PCNX1: variants seen among roughly 807,000 people sequenced by gnomAD.
PCNX1 encodes pecanex 1.
PCNX1 carries 78 observed loss-of-function variants against 242.2 expected under a neutral mutation model. That is an observed-to-expected ratio of 0.32 (90% confidence interval 0.27 to 0.39). PCNX1 has a LOEUF of 0.39. Among genes scored for constraint, PCNX1 ranks in the 10% least tolerant of loss-of-function variants. The probability of loss-of-function intolerance (pLI) is 1.00; values close to 1 mark genes in which losing one functional copy is unlikely to be tolerated. For synonymous variants in PCNX1, 1,024 were observed against 1,032.9 expected (o/e 0.99, Z 0.17); for missense variants, 2,581 against 2,856.5 (o/e 0.90, Z 2.20).
intron 26 of PCNX1, among the ~76,000 whole-genome samples, 191 bp downstream of exon 26, chr14:71,057,915 A>C (rs2061226662): frequency 6.6e-6 from 1 of 152,194 alleles, no homozygotes; most frequent in South Asian, 2.1e-4. Flanking sequence ...TCATGTTTGC[A>C]ATATGGCTTT....
chr14:71,016,808 G>A (rs2059972923), intron 11 of PCNX1, among the ~76,000 whole-genome samples: 1 of 152,128 alleles, frequency 6.6e-6, no homozygotes, highest in Non-Finnish European at 1.5e-5. Context: ...CCTTCCACTT[G>A]CTAGAAGAAC....
intron 16 of PCNX1, among the ~76,000 whole-genome samples, chr14:71,029,719 C>T (rs534756276): frequency 2.6e-4 from 39 of 152,228 alleles, no homozygotes; most frequent in Admixed American, 5.2e-4. Flanking sequence ...GAAATGAAGA[C>T]CCATGGACTT....
chr14:70,990,187 G>A (rs970483987), intron 7 of PCNX1, among the ~76,000 whole-genome samples: 2 of 151,768 alleles, frequency 1.3e-5, no homozygotes, highest in Non-Finnish European at 2.9e-5. Context: ...GGAATATCTC[G>A]GAATGTGCTG....
intron 7 of PCNX1, among the ~76,000 whole-genome samples, chr14:70,992,605 C>T (rs569352786): frequency 3.7e-4 from 57 of 152,228 alleles, no homozygotes; most frequent in Non-Finnish European, 6.8e-4. Flanking sequence ...GAAGGAAAGA[C>T]GAAGACCAAC....
chr14:70,974,238 TTTG>T (rs1310173416), intron 5 of PCNX1, among the ~76,000 whole-genome samples: 1 of 150,888 alleles, frequency 6.6e-6, no homozygotes, highest in Non-Finnish European at 1.5e-5. Flanking sequence ...TGTGGTTTTT[TTTG>T]TTGTTTTTTT....
In PCNX1 at chr14:71,101,916, T is replaced by G. The variant is rs1156542237; in HGVS notation, c.5590-74T>G. 8 of 768,376 alleles carry G rather than the reference T, an allele frequency of 1.0e-5. No homozygotes were observed. The African/African-American group carries it at 1.4e-4, about 14-fold the overall frequency. 47.6% of individuals were successfully genotyped at this position (768,376 alleles called of 1,614,324 possible). A position where few individuals can be genotyped will look rare whatever the true frequency, so the allele number is the denominator to read the frequency against. On this transcript the variant is annotated intron_variant, in intron 30 of 35. Transcript: ENST00000304743. Reference sequence around the variant, plus strand: ...CATAATAAACCAGTTTTTAAGAACTTTCACTTAGTAACTGTAGAAGTTATC... The same window carrying G: ...CATAATAAACCAGTTTTTAAGAACTGTCACTTAGTAACTGTAGAAGTTATC...
chr14:71,088,283 A>C, intron 28 of PCNX1, 47 bp from the exon 29 acceptor site: 2 of 1,064,000 alleles, frequency 1.9e-6, no homozygotes, highest in Admixed American at 3.6e-5. Flanking sequence ...GATTTGTTAA[A>C]TACTTACATA....
At chr14:71,074,972 C>A (rs1283871172) in intron 27 of PCNX1, among the ~76,000 whole-genome samples, 1 of 146,742 alleles carries the variant, frequency 6.8e-6, no homozygotes, top group African/African-American at 2.5e-5. Context: ...TTTTTCACAT[C>A]GTTTTTTCTT....
At chr14:71,020,305 G>A (rs1048780682) in intron 12 of PCNX1, among the ~76,000 whole-genome samples, 3 of 152,110 alleles carry the variant, frequency 2.0e-5, no homozygotes, top group Non-Finnish European at 1.5e-5. Flanking sequence ...CCCAGTAATG[G>A]GATTGCTAGG....
intron 3 of PCNX1, among the ~76,000 whole-genome samples, chr14:70,963,071 G>C (rs1341596065): frequency 6.6e-6 from 1 of 152,180 alleles, no homozygotes; most frequent in Non-Finnish European, 1.5e-5. Flanking sequence ...ATTTATATCA[G>C]GGTCTGGACT....
rs190485269 is a variant in PCNX1, at chr14:70,908,655, C to T, written c.153+652C>T. On this transcript the variant is annotated intron_variant, in intron 1 of 35. Transcript: ENST00000304743. ...ACCGTTGTTGTGCTTCGCAGCGGTTCTTCTCTGTTCGGCCCCGTGGCCGGT... is the reference window on the plus strand; with the variant it reads ...ACCGTTGTTGTGCTTCGCAGCGGTTTTTCTCTGTTCGGCCCCGTGGCCGGT... 8.8e-3 allele frequency among the ~76,000 whole-genome samples: 1,334 copies of T among 152,372 alleles called. 9 individuals are homozygous for T. Among genetic ancestry groups the T allele is most frequent in the South Asian group, 0.017 (82 of 4,834 alleles).
Position 71,028,719 on chromosome 14 carries a change from A to G in PCNX1, c.3486A>G (p.Ala1162=), listed in dbSNP as rs760991608. 4.4e-6 allele frequency: 7 copies of G among 1,606,796 alleles called. 1 individual carries two copies. In the South Asian group the frequency reaches 4.5e-5, roughly 10 times the overall value. Residue 1162 remains alanine (A), a synonymous_variant, in exon 16 of 36, where the codon GCA becomes GCG. Transcript: ENST00000304743. ...FGGNATTSLL[A]ALYSFICSIV... ...GTCTAGCCACTACAAGCCTGCTTGC[A>G]GCACTTTACAGTTTTATCTGTAGCA...
chr14:71,052,993 C>G (rs536566317), intron 24 of PCNX1, among the ~76,000 whole-genome samples: 1 of 152,298 alleles, frequency 6.6e-6, no homozygotes, highest in African/African-American at 2.4e-5. Flanking sequence ...ATTCTACTGA[C>G]CATCTCCATG....
chr14:71,097,476 A>G (rs2062322960), intron 30 of PCNX1, among the ~76,000 whole-genome samples: 1 of 151,876 alleles, frequency 6.6e-6, no homozygotes, highest in Non-Finnish European at 1.5e-5. Context: ...TTGTTTTTTG[A>G]CTTTTTAATA....
At chr14:70,965,954 T>A (rs2058366317) in intron 3 of PCNX1, among the ~76,000 whole-genome samples, 1 of 149,588 alleles carries the variant, frequency 6.7e-6, no homozygotes, top group Non-Finnish European at 1.5e-5. Context: ...AAAGATACTG[T>A]TTTTTCTTAA....
intron 30 of PCNX1, among the ~76,000 whole-genome samples, chr14:71,094,391 G>A (rs2062217161): frequency 6.6e-6 from 1 of 152,166 alleles, no homozygotes; most frequent in African/African-American, 2.4e-5. Flanking sequence ...TTGTCAAGAT[G>A]CATCTAACTG....
chr14:71,102,400 G>A (rs1013434578), intron 31 of PCNX1, among the ~76,000 whole-genome samples, 180 bp downstream of exon 31: 1 of 151,906 alleles, frequency 6.6e-6, no homozygotes, highest in Admixed American at 6.6e-5. Flanking sequence ...CGAGAAGCTG[G>A]GACTACAGAC....
intron 26 of PCNX1, among the ~76,000 whole-genome samples, chr14:71,061,481 C>CCAAA (rs1390682847): frequency 2.6e-5 from 4 of 152,160 alleles, no homozygotes; most frequent in Non-Finnish European, 4.4e-5. Flanking sequence ...ATTTCTGCCT[C>CCAAA]CAAACACCCA....
chr14:71,043,387 G>A (rs949692753), intron 19 of PCNX1, among the ~76,000 whole-genome samples: 4 of 152,058 alleles, frequency 2.6e-5, no homozygotes, highest in African/African-American at 9.6e-5. Context: ...CCTTAAATAG[G>A]CTTTCTATGC....
Sources: allele counts gnomAD v4.1 joint callset (sites outside exome capture counted in the v4.1 genomes callset), GRCh38; gene constraint gnomAD v4.1.1; transcripts MANE v1.5; gene names NCBI Gene and HGNC (gene_info 2026-07-23, HGNC 2026-07-21).